Variants in SLC45A3 observed in about 807,000 individuals in gnomAD.
SLC45A3 encodes the protein prostate cancer associated protein 2.
Under a neutral mutation model 35.3 loss-of-function variants are expected in SLC45A3, and 17 were observed. The ratio of observed to expected loss-of-function variants is 0.48; its 90% CI spans 0.33 to 0.72. The LOEUF (loss-of-function observed/expected upper bound fraction) is 0.72, where lower values mean the gene tolerates loss of function less well. Ranked by LOEUF, SLC45A3 falls within the 30% of genes least tolerant of loss-of-function variation. The pLI, the probability that SLC45A3 is intolerant of heterozygous loss-of-function variation, is 0.02. For missense variants in SLC45A3, 597 were observed against 731.7 expected, an observed-to-expected ratio of 0.82 and a Z score of 2.12; for synonymous variants, 288 against 334.3, an observed-to-expected ratio of 0.86 and a Z score of 1.51.
chr1:205,661,826 T>A (rs1236000336), intron 4 of SLC45A3, 35 bp downstream of exon 4: 1 of 1,590,270 alleles, frequency 6.3e-7, no homozygotes, highest in South Asian at 1.1e-5. Flanking sequence ...AGACCACCCC[T>A]CCCACCCTGA....
intron 1 of SLC45A3, among the ~76,000 whole-genome samples, chr1:205,674,184 C>A (rs1483716670): frequency 7.0e-6 from 1 of 142,414 alleles, no homozygotes; most frequent in Non-Finnish European, 1.5e-5. Flanking sequence ...GAAGGATAAG[C>A]AGGTAGGTAC....
intron 1 of SLC45A3, among the ~76,000 whole-genome samples, chr1:205,677,915 CAGTA>C (rs201203117): frequency 0.013 from 2,023 of 152,236 alleles, 26 homozygotes; most frequent in Non-Finnish European, 0.024. Context: ...CAAAGCTATA[CAGTA>C]AGTATTATCA....
At chr1:205,668,117 C>A (rs1201237288) in intron 1 of SLC45A3, among the ~76,000 whole-genome samples, 1 of 152,156 alleles carries the variant, frequency 6.6e-6, no homozygotes, top group Non-Finnish European at 1.5e-5. Flanking sequence ...TTGATACCCC[C>A]AGACTTTACT....
chr1:205,671,844 G>A (rs929770800), intron 1 of SLC45A3, among the ~76,000 whole-genome samples: 11 of 138,042 alleles, frequency 8.0e-5, no homozygotes, highest in African/African-American at 2.8e-4. Context: ...CTCCACCCTG[G>A]GCAACAGGGT....
At chr1:205,675,026 T>C (rs542051279) in intron 1 of SLC45A3, among the ~76,000 whole-genome samples, 1 of 152,352 alleles carries the variant, frequency 6.6e-6, no homozygotes, top group African/African-American at 2.4e-5. Context: ...TAAGTATCCA[T>C]TTTTATGCTT....
In SLC45A3 at chr1:205,662,611, C is replaced by T. The variant is rs375594487; in HGVS notation, c.958+222G>A. The T allele has an allele frequency of 2.8e-5, 37 of 1,337,894 alleles. No homozygotes were observed. The African/African-American group carries it at 4.3e-4, about 16-fold the overall frequency. The allele number at this position is 1,337,894 out of a possible 1,614,324, so 82.9% of individuals were successfully genotyped here. A position where few individuals can be genotyped will look rare whatever the true frequency, so the allele number is the denominator to read the frequency against. On this transcript the variant is annotated intron_variant, in intron 3 of 4. Transcript: ENST00000367145. This position sits in a 1 kb window ranked among gnomAD's most constrained non-coding sequence, Gnocchi z 6.2. ...CTTTCCTTCTGTCAAACTGGGGCAA[C>T]GACTCTGATCAGACTCCTAGAGCAG...
At chr1:205,680,357 ACC>A (rs2102413106) in intron 1 of SLC45A3, 35 bp downstream of exon 1, 1 of 151,186 alleles carries the variant, frequency 6.6e-6, no homozygotes, top group African/African-American at 2.4e-5. Context: ...CCGCGCCGGG[ACC>A]CTCACCCCTG....
chr1:205,675,491 G>A (rs1003807276), intron 1 of SLC45A3, among the ~76,000 whole-genome samples: 4 of 152,166 alleles, frequency 2.6e-5, no homozygotes, highest in Non-Finnish European at 4.4e-5. Flanking sequence ...AAGGGTGTAT[G>A]TCTGTAAAAC....
intron 1 of SLC45A3, among the ~76,000 whole-genome samples, chr1:205,665,137 C>G (rs554571897): frequency 1.7e-4 from 26 of 152,138 alleles, no homozygotes; most frequent in Admixed American, 6.5e-4. Context: ...GTTGGTTATT[C>G]TCTGTTTTGA....
rs1671041415 is a variant in SLC45A3, at chr1:205,662,312, A to G, written c.959-186T>C. 7.0e-7 allele frequency: 1 copy of G among 1,424,174 alleles called. No individual in the cohort carries two copies. The highest frequency in any genetic ancestry group is 2.5e-5 in the East Asian group (1 of 39,482). 88.2% of individuals were successfully genotyped at this position (1,424,174 alleles called of 1,614,324 possible). On this transcript the variant is annotated intron_variant, in intron 3 of 4. Coordinates refer to ENST00000367145, the MANE Select transcript of SLC45A3 (RefSeq NM_033102.3). The surrounding 1 kb of genome is among the most constrained non-coding windows in gnomAD (Gnocchi z 6.2). ...AGTCTAGGTTCTTCCACTGACCCTC[A>G]GAGAATGTGGGCAACGCCCCTTGCT...
chr1:205,667,556 G>A (rs1671139917), intron 1 of SLC45A3, among the ~76,000 whole-genome samples: 1 of 152,014 alleles, frequency 6.6e-6, no homozygotes, highest in South Asian at 2.1e-4. Flanking sequence ...AAATTAGCTG[G>A]GCATGGTGGC....
rs762670191 is a variant in SLC45A3 at position 205,662,054 on chromosome 1, C to G, written c.1031G>C (p.Arg344Pro). Residue 344 changes from arginine (R) to proline (P), a missense_variant, in exon 4 of 5, where the codon CGG becomes CCG. Arg to Pro is a moderately radical substitution (Grantham distance 103). Around this residue, in one of 3 missense-constraint regions of SLC45A3, gnomAD observed 555 missense variants for 664.9 expected, o/e 0.83. Transcript: ENST00000367145. This position sits in a 1 kb window ranked among gnomAD's most constrained non-coding sequence, Gnocchi z 6.2. ...TCGAGTGCCGAATCGCTGCACCAGC[C>G]GGTCCATGACCAGAGAGAAGACCAG... is the stretch of plus-strand genomic sequence containing the variant. ...ISLVFSLVMD[R>P]LVQRFGTRAV... The G allele has an allele frequency of 2.5e-6, 4 of 1,614,028 alleles. No individual in the cohort carries two copies. In the African/African-American group the frequency reaches 4.0e-5, roughly 16 times the overall value.
chr1:205,670,694 C>G (rs907545287), intron 1 of SLC45A3, among the ~76,000 whole-genome samples: 1 of 152,188 alleles, frequency 6.6e-6, no homozygotes, highest in African/African-American at 2.4e-5. Context: ...GGCTGCAGGC[C>G]GGGACACAAA....
At chr1:205,667,224 G>A (rs913785786) in intron 1 of SLC45A3, among the ~76,000 whole-genome samples, 2 of 152,046 alleles carry the variant, frequency 1.3e-5, no homozygotes, top group African/African-American at 4.8e-5. Flanking sequence ...AAATAAAATA[G>A]GCCAGGTACA....
Position 205,663,626 on chromosome 1 carries a change from A to G in SLC45A3, c.173-8T>C. 1 of 1,558,106 alleles carries G rather than the reference A, an allele frequency of 6.4e-7. No homozygotes were observed. The highest frequency in any genetic ancestry group is 8.6e-7 in the Non-Finnish European group (1 of 1,156,188). Reference sequence around the variant, plus strand: ...CCAGCACTGGACCAATGCCTGCAAGAAGGGAAGTAGTATGAGTCAATGGCT... The same window carrying G: ...CCAGCACTGGACCAATGCCTGCAAGGAGGGAAGTAGTATGAGTCAATGGCT... On this transcript the variant is annotated splice_region_variant and splice_polypyrimidine_tract_variant and intron_variant, in intron 2 of 4. Coordinates refer to ENST00000367145, the MANE Select transcript of SLC45A3 (RefSeq NM_033102.3).
intron 1 of SLC45A3, among the ~76,000 whole-genome samples, chr1:205,679,838 C>A (rs968275850): frequency 7.9e-5 from 12 of 152,074 alleles, no homozygotes; most frequent in Non-Finnish European, 1.0e-4. Context: ...CGGCCTGGGC[C>A]TGAGCACCCC....
At position 205,662,229 on chromosome 1, in the gene SLC45A3, C is replaced by CTG; in HGVS notation, c.959-105_959-104dup. 2.0e-6 allele frequency: 3 copies of CTG among 1,475,320 alleles called. No individual in the cohort carries two copies. The highest frequency in any genetic ancestry group is 2.7e-6 in the Non-Finnish European group (3 of 1,112,140). 91.4% of individuals were successfully genotyped at this position (1,475,320 alleles called of 1,614,324 possible). A position where few individuals can be genotyped will look rare whatever the true frequency, so the allele number is the denominator to read the frequency against. On this transcript the variant is annotated intron_variant, in intron 3 of 4. Coordinates refer to ENST00000367145, the MANE Select transcript of SLC45A3 (RefSeq NM_033102.3). This position sits in a 1 kb window ranked among gnomAD's most constrained non-coding sequence, Gnocchi z 6.2. ...ACCACAGGTACCTGCTGCACGAGAC[C>CTG]TGCTGTGGACCAGCCCTGCTCCCCA...
chr1:205,672,552 G>A (rs993535351), intron 1 of SLC45A3, among the ~76,000 whole-genome samples: 2 of 152,158 alleles, frequency 1.3e-5, no homozygotes, highest in African/African-American at 4.8e-5. Context: ...CCAAATCCAA[G>A]GTAGGTGTTT....
chr1:205,658,480 T>C lies in SLC45A3; in HGVS notation c.*754A>G, dbSNP rs1233220514. ...TGACCAGCTATCTCAGGGGACCTGATTGTTGGGGATCCCCCACCCTACCCA... is the reference window on the plus strand; with the variant it reads ...TGACCAGCTATCTCAGGGGACCTGACTGTTGGGGATCCCCCACCCTACCCA... On this transcript the variant is annotated 3_prime_UTR_variant, in exon 5 of 5. Transcript: ENST00000367145. The C allele has an allele frequency of 4.3e-6, 1 of 233,084 alleles. No individual in the cohort carries two copies. The allele number at this position is 233,084 out of a possible 1,614,324, so 14.4% of individuals were successfully genotyped here.
Sources: gnomAD v4.1 joint callset for allele counts (sites outside exome capture counted in the v4.1 genomes callset) on GRCh38, gnomAD v4.1.1 for gene constraint, gnomAD v4.1.1 regional missense constraint, Gnocchi (gnomAD v3.1) non-coding constraint, MANE v1.5 for transcripts, NCBI Gene and HGNC (gene_info 2026-07-23, HGNC 2026-07-21) for gene names.